The following GPT2 variants were observed in gnomAD, a reference collection of about 807,000 sequenced individuals.
The protein encoded by GPT2 is glutamic--pyruvic transaminase 2.
A neutral mutation model predicts 56.9 loss-of-function variants in GPT2; 30 were observed. The ratio of observed to expected loss-of-function variants is 0.53; its 90% CI spans 0.39 to 0.72. The LOEUF is 0.72. Ranked by LOEUF, GPT2 falls within the 30% of genes least tolerant of loss-of-function variation. The pLI is 0.00. For missense variants in GPT2, 542 were observed against 703.4 expected, an observed-to-expected ratio of 0.77 and a Z score of 2.60; for synonymous variants, 271 against 283.1, an observed-to-expected ratio of 0.96 and a Z score of 0.43.
intron 4 of GPT2, among the ~76,000 whole-genome samples, chr16:46,902,428 A>AG: frequency 6.6e-6 from 1 of 152,236 alleles, no homozygotes; most frequent in Admixed American, 6.5e-5. Context: ...TGCCCATTCC[A>AG]GGGGGCAGGA....
At chr16:46,887,360 C>T (rs1045889327) in intron 2 of GPT2, among the ~76,000 whole-genome samples, 4 of 152,078 alleles carry the variant, frequency 2.6e-5, no homozygotes, top group Admixed American at 6.6e-5. Context: ...TCCAGCTACT[C>T]GGCAGGCTAA....
Position 46,900,702 on chromosome 16 carries a change from C to G in GPT2, c.354C>G (p.Tyr118Ter). 9.9e-6 allele frequency: 16 copies of G among 1,613,978 alleles called. No individual in the cohort carries two copies. Among genetic ancestry groups the G allele is most frequent in the Non-Finnish European group, 1.4e-5 (16 of 1,179,914 alleles). ...FLRQVMALCT[Y>*]PNLLDSPSFP... ...CCCAGGTGATGGCACTATGCACCTA[C>G]CCAAACCTGCTGGACAGCCCCAGCT... is the stretch of plus-strand genomic sequence containing the variant. The change falls in exon 4 of 12, where the codon TAC becomes TAG. Residue 118 changes from tyrosine (Y) to a stop codon, truncating the protein, a stop_gained. Transcript: ENST00000340124. LOFTEE classifies it high-confidence loss of function.
At chr16:46,908,789 A>G (rs568036416) in intron 5 of GPT2, among the ~76,000 whole-genome samples, 3 of 152,162 alleles carry the variant, frequency 2.0e-5, no homozygotes, top group Non-Finnish European at 2.9e-5. Context: ...GGAGGAGGGA[A>G]GGGGGCGTGT....
At position 46,930,728 on chromosome 16, in the gene GPT2, G is replaced by A. The variant is rs559774093; in HGVS notation, c.*1731G>A. 117 of 152,616 alleles carry A rather than the reference G, an allele frequency of 7.7e-4. No individual in the cohort carries two copies. Among genetic ancestry groups the A allele is most frequent in the Admixed American group, 3.1e-3 (47 of 15,270 alleles). The allele number at this position is 152,616 out of a possible 1,614,324, so 9.5% of individuals were successfully genotyped here. A position where few individuals can be genotyped will look rare whatever the true frequency, so the allele number is the denominator to read the frequency against. On this transcript the variant is annotated 3_prime_UTR_variant, in exon 12 of 12. Transcript: ENST00000340124. ...TTTGTAACAATTGCTTTTTTCATGG[G>A]GGAGGCGGGGTTAGTATTTATAGTC... is the stretch of plus-strand genomic sequence containing the variant.
In GPT2 at chr16:46,884,870, C is replaced by T; in HGVS notation, c.155C>T (p.Ser52Phe). 1 of 1,545,254 alleles carries T rather than the reference C, an allele frequency of 6.5e-7. No individual in the cohort carries two copies. Among genetic ancestry groups the T allele is most frequent in the South Asian group, 1.2e-5 (1 of 83,436 alleles). ...SRRERILTLE[S>F]MNPQVKAVEY... ...CGCGAGCGCATCCTCACGCTGGAGT[C>T]CATGAACCCGCAGGTGAAGGCGGTG... The change falls in exon 2 of 12, where the codon TCC (serine) becomes TTC (phenylalanine). Residue 52 changes from serine (S) to phenylalanine (F), a missense_variant. Ser to Phe is a radical substitution (Grantham distance 155). Transcript: ENST00000340124.
At chr16:46,913,692 A>G (rs1257695352) in intron 6 of GPT2, among the ~76,000 whole-genome samples, 1 of 152,224 alleles carries the variant, frequency 6.6e-6, no homozygotes, top group African/African-American at 2.4e-5. Context: ...CATAGACCAG[A>G]ATATAGGTAT....
intron 2 of GPT2, among the ~76,000 whole-genome samples, chr16:46,889,516 A>C (rs554545181): frequency 1.3e-5 from 2 of 152,052 alleles, no homozygotes; most frequent in South Asian, 2.1e-4. Context: ...CAGCCTCCCA[A>C]AGCGCCAGGA....
chr16:46,896,031 G>T (rs1305041161), intron 2 of GPT2, among the ~76,000 whole-genome samples: 1 of 152,228 alleles, frequency 6.6e-6, no homozygotes, highest in Non-Finnish European at 1.5e-5. Context: ...TCCCACCCGG[G>T]CTGTGGCCAC....
At chr16:46,906,253 G>A (rs1381458131) in intron 4 of GPT2, among the ~76,000 whole-genome samples, 1 of 151,980 alleles carries the variant, frequency 6.6e-6, no homozygotes, top group Non-Finnish European at 1.5e-5. Context: ...TGTATTTTTT[G>A]TAGAGCTGAG....
chr16:46,922,006 C>A (rs1053128031), intron 8 of GPT2, among the ~76,000 whole-genome samples: 3 of 152,176 alleles, frequency 2.0e-5, no homozygotes, highest in Admixed American at 6.5e-5. Context: ...CTGCAGTGAG[C>A]TATGATCATG....
Position 46,884,746 on chromosome 16 carries a change from G to T in GPT2, c.31G>T (p.Gly11Cys). Residue 11 changes from glycine to cysteine, a missense_variant, in exon 2 of 12, where the codon GGC becomes TGC. Transcript: ENST00000340124. ...GCGGGCGGCGGCGCTGGTCCGGCGG[G>T]GCTGTGGTCCCCGGACCCCCAGCTC... Reference protein sequence around the residue: MQRAAALVRRGCGPRTPSSWG... With the variant: MQRAAALVRRCCGPRTPSSWG... The T allele has an allele frequency of 2.1e-6, 3 of 1,415,404 alleles. No homozygotes were observed. The highest frequency in any genetic ancestry group is 2.8e-6 in the Non-Finnish European group (3 of 1,083,558). The allele number at this position is 1,415,404 out of a possible 1,614,324, so 87.7% of individuals were successfully genotyped here.
intron 2 of GPT2, among the ~76,000 whole-genome samples, chr16:46,889,001 G>A (rs187182816): frequency 1.3e-5 from 2 of 151,950 alleles, no homozygotes; most frequent in African/African-American, 4.8e-5. Context: ...GTTAATTATA[G>A]CTGTTCAGCC....
In GPT2 at chr16:46,918,636, G is replaced by A; in HGVS notation, c.916G>A (p.Val306Met). The change falls in exon 8 of 12, where the codon GTG (valine) becomes ATG (methionine). Residue 306 changes from valine to methionine, a missense_variant. Physicochemically the swap from Val to Met is conservative, Grantham distance 21. Transcript: ENST00000340124. Reference protein sequence around the residue: ...LLADEVYQDNVYSPDCRFHSF... With the variant: ...LLADEVYQDNMYSPDCRFHSF... ...GCCCCCGCAGGTGTACCAGGACAAC[G>A]TGTACTCTCCAGATTGCAGATTCCA... The A allele has an allele frequency of 1.9e-6, 3 of 1,614,160 alleles. No homozygotes were observed. The highest frequency in any genetic ancestry group is 2.5e-6 in the Non-Finnish European group (3 of 1,180,006).
At chr16:46,890,112 T>C (rs1302387637) in intron 2 of GPT2, among the ~76,000 whole-genome samples, 3 of 152,238 alleles carry the variant, frequency 2.0e-5, no homozygotes, top group Non-Finnish European at 4.4e-5. Context: ...GGCTCTTGCC[T>C]GCACTCTCAG....
intron 5 of GPT2, 108 bp from the exon 6 acceptor site, chr16:46,909,576 C>T (rs1366179181): frequency 1.1e-5 from 14 of 1,287,634 alleles, no homozygotes; most frequent in Middle Eastern, 2.4e-4. Flanking sequence ...GGAAGTAAAG[C>T]GACTTGCACA....
intron 3 of GPT2, among the ~76,000 whole-genome samples, 182 bp from the exon 4 acceptor site, chr16:46,900,500 C>T (rs1555484905): frequency 6.6e-6 from 1 of 152,208 alleles, no homozygotes; most frequent in African/African-American, 2.4e-5. Context: ...TTCTCCCCTT[C>T]TGCTGCAGAG....
At chr16:46,911,889 G>C (rs1961053927) in intron 6 of GPT2, among the ~76,000 whole-genome samples, 1 of 152,208 alleles carries the variant, frequency 6.6e-6, no homozygotes, top group Admixed American at 6.5e-5. Context: ...CTTTTCACCT[G>C]ACTGAGAAGA....
chr16:46,897,161 T>C (rs1960699372), intron 2 of GPT2, among the ~76,000 whole-genome samples: 1 of 152,106 alleles, frequency 6.6e-6, no homozygotes. Context: ...GGTGGGTGGA[T>C]CACATGAGTT....
At chr16:46,899,035 A>ATATATATATTATATATATATATAT (rs1567335287) in intron 3 of GPT2, among the ~76,000 whole-genome samples, 1 of 77,226 alleles carries the variant, frequency 1.3e-5, no homozygotes, top group African/African-American at 9.0e-5. Context: ...ATATATATAT[A>ATATATATATTATATATATATATAT]TTTTTTTTTT....
Sources: gnomAD v4.1 joint callset for allele counts (sites outside exome capture counted in the v4.1 genomes callset) on GRCh38, gnomAD v4.1.1 for gene constraint, MANE v1.5 for transcripts, NCBI Gene and HGNC (gene_info 2026-07-23, HGNC 2026-07-21) for gene names.